The following TET1 variants were observed in gnomAD, a reference collection of about 807,000 sequenced individuals.
The protein encoded by TET1 is methylcytosine dioxygenase TET1.
In TET1, 13 loss-of-function variants were observed where a neutral mutation model predicts 148.7. That is an observed-to-expected ratio of 0.09 (90% CI 0.06 to 0.14). The LOEUF is 0.14. TET1 is among the 10% of genes least tolerant of loss of function. The probability of loss-of-function intolerance (pLI) is 1.00; values close to 1 mark genes in which losing one functional copy is unlikely to be tolerated. For missense variants in TET1, 2,182 were observed against 2,553.8 expected (o/e 0.85, Z 3.14); for synonymous variants, 907 against 937.2 (o/e 0.97, Z 0.59).
At chr10:68,599,635 C>G (rs963754266) in intron 2 of TET1, among the ~76,000 whole-genome samples, 4 of 152,158 alleles carry the variant, frequency 2.6e-5, no homozygotes, top group African/African-American at 9.7e-5. Context: ...GTCCCGATCC[C>G]TGGGAAGTGG....
Position 68,692,024 on chromosome 10 carries a change from T to C in TET1, c.*210T>C, listed in dbSNP as rs1269294042. ...AGAAGGTGCACATTTTAAGCAAAAA[T>C]AAAAGTTTTATAGTTTTAAATACAT... is the stretch of plus-strand genomic sequence containing the variant. On this transcript the variant is annotated 3_prime_UTR_variant, in exon 12 of 12. Transcript: ENST00000373644. 3.6e-6 allele frequency: 2 copies of C among 551,568 alleles called. No individual in the cohort carries two copies. The highest frequency in any genetic ancestry group is 6.1e-6 in the Non-Finnish European group (2 of 329,320). The allele number at this position is 551,568 out of a possible 1,614,324, so 34.2% of individuals were successfully genotyped here. A position where few individuals can be genotyped will look rare whatever the true frequency, so the allele number is the denominator to read the frequency against.
intron 3 of TET1, among the ~76,000 whole-genome samples, chr10:68,609,868 C>G (rs2054181627): frequency 6.6e-6 from 1 of 151,932 alleles, no homozygotes; most frequent in South Asian, 2.1e-4. Context: ...ATATGTTAGG[C>G]AGGGCACAGT....
At chr10:68,659,592 T>G (rs1176382890) in intron 6 of TET1, among the ~76,000 whole-genome samples, 1 of 152,214 alleles carries the variant, frequency 6.6e-6, no homozygotes, top group African/African-American at 2.4e-5. Flanking sequence ...GTGCTGTGAT[T>G]ACAGGCATGA....
At position 68,674,980 on chromosome 10, in the gene TET1, T is replaced by C. The variant is rs2055330138; in HGVS notation, c.4824+1935T>C. ...GTTAAAATGCTGAAGAAGCCTAGCT[T>C]TGAATTGGGGAAACTCATGGAGCTT... On this transcript the variant is annotated intron_variant, in intron 8 of 11. Coordinates refer to ENST00000373644, the MANE Select transcript of TET1 (RefSeq NM_030625.3). 3 of 391,174 alleles carry C rather than the reference T, an allele frequency of 7.7e-6. No homozygotes were observed. In the Admixed American group the frequency reaches 1.1e-4, roughly 14 times the overall value. The allele number at this position is 391,174 out of a possible 1,614,324, so 24.2% of individuals were successfully genotyped here.
At chr10:68,683,122 A>G in intron 10 of TET1, 149 bp downstream of exon 10, 4 of 967,538 alleles carry the variant, frequency 4.1e-6, no homozygotes, top group Non-Finnish European at 5.9e-6. Context: ...AAAAAAAAGA[A>G]ATAAGTGTGT....
chr10:68,582,882 G>A (rs1021006468), intron 2 of TET1, among the ~76,000 whole-genome samples: 1 of 152,066 alleles, frequency 6.6e-6, no homozygotes, highest in Admixed American at 6.6e-5. Context: ...CCACAGAACT[G>A]GACTTGGGGA....
chr10:68,592,601 TC>T (rs1415928855), intron 2 of TET1, among the ~76,000 whole-genome samples: 1 of 133,714 alleles, frequency 7.5e-6, no homozygotes, highest in Non-Finnish European at 1.7e-5. Flanking sequence ...TATTTGTATC[TC>T]CCCATGGCCC....
At chr10:68,650,546 G>A (rs1045511712) in intron 4 of TET1, among the ~76,000 whole-genome samples, 11 of 130,686 alleles carry the variant, frequency 8.4e-5, no homozygotes, top group South Asian at 3.0e-4. Flanking sequence ...CAGGAGAATC[G>A]CTTGAACCCA....
intron 7 of TET1, among the ~76,000 whole-genome samples, chr10:68,671,985 G>T (rs892172766): frequency 1.3e-5 from 2 of 151,976 alleles, no homozygotes; most frequent in African/African-American, 4.8e-5. Context: ...CTCATGATCC[G>T]CCCACCTTGG....
At chr10:68,675,020 C>T (rs1205524884) in intron 8 of TET1, 6 of 417,116 alleles carry the variant, frequency 1.4e-5, no homozygotes, top group South Asian at 6.5e-5. Flanking sequence ...GTGAAGGTAG[C>T]AGTTCTGGAA....
intron 4 of TET1, among the ~76,000 whole-genome samples, chr10:68,648,657 G>A (rs926937688): frequency 1.3e-5 from 2 of 152,196 alleles, no homozygotes; most frequent in Admixed American, 6.5e-5. Context: ...TTTAACAACA[G>A]TAGAAAATAT....
chr10:68,644,508 G>A (rs992847721), intron 3 of TET1, among the ~76,000 whole-genome samples, 190 bp from the exon 4 acceptor site: 2 of 152,120 alleles, frequency 1.3e-5, no homozygotes, highest in African/African-American at 4.8e-5. Flanking sequence ...GCCTAGCCTA[G>A]TTGTCTTTTC....
rs1405607746 is a variant in TET1 at position 68,591,934 on chromosome 10, C to T, written c.1915-9047C>T. ...ACAAACAAACAAACAAACAAACAAA[C>T]AAAAACAGCCTACATAATATCCATT... On this transcript the variant is annotated intron_variant, in intron 2 of 11. Coordinates refer to ENST00000373644, the MANE Select transcript of TET1 (RefSeq NM_030625.3). 5.4e-5 allele frequency among the ~76,000 whole-genome samples: 8 copies of T among 149,408 alleles called. No homozygotes were observed. In the East Asian group the frequency reaches 1.0e-3, roughly 19 times the overall value.
intron 2 of TET1, among the ~76,000 whole-genome samples, chr10:68,581,761 C>T (rs1266044584): frequency 6.6e-6 from 1 of 151,626 alleles, no homozygotes; most frequent in Non-Finnish European, 1.5e-5. Context: ...AGGAGGATAG[C>T]TTGAGCTCAG....
intron 2 of TET1, among the ~76,000 whole-genome samples, chr10:68,594,793 A>G (rs2053958978): frequency 6.6e-6 from 1 of 152,072 alleles, no homozygotes; most frequent in Non-Finnish European, 1.5e-5. Flanking sequence ...AGCCTGGCCA[A>G]CATAGTGAAA....
At chr10:68,566,124 C>A (rs1296367709) in intron 1 of TET1, among the ~76,000 whole-genome samples, 1 of 152,042 alleles carries the variant, frequency 6.6e-6, no homozygotes, top group African/African-American at 2.4e-5. Flanking sequence ...AATTTGTAAA[C>A]CACTTTCAAA....
At chr10:68,632,331 A>T in intron 3 of TET1, 2 of 1,514,014 alleles carry the variant, frequency 1.3e-6, no homozygotes, top group South Asian at 2.4e-5. Flanking sequence ...CAAAAAAAAA[A>T]GAAAGGGTGC....
rs141790242 is a variant in TET1 at position 68,601,602 on chromosome 10, A to G, written c.1968+568A>G. Reference sequence around the variant, plus strand: ...AATATGCATGTTTTCTTTATTTTCTATAGTTTGCCTGATGAGTATTAATAG... The same window carrying G: ...AATATGCATGTTTTCTTTATTTTCTGTAGTTTGCCTGATGAGTATTAATAG... On this transcript the variant is annotated intron_variant, in intron 3 of 11. Transcript: ENST00000373644. 2.6e-3 allele frequency among the ~76,000 whole-genome samples: 401 copies of G among 152,278 alleles called. 2 individuals are homozygous for G. The highest frequency in any genetic ancestry group is 9.1e-3 in the African/African-American group (380 of 41,562).
intron 3 of TET1, among the ~76,000 whole-genome samples, chr10:68,628,748 C>G (rs2054525655): frequency 6.6e-6 from 1 of 152,156 alleles, no homozygotes; most frequent in Non-Finnish European, 1.5e-5. Context: ...GGACTTGAAG[C>G]AAGGCTGCTT....
Sources: allele counts gnomAD v4.1 joint callset (sites outside exome capture counted in the v4.1 genomes callset), GRCh38; gene constraint gnomAD v4.1.1; transcripts MANE v1.5; gene names NCBI Gene and HGNC (gene_info 2026-07-23, HGNC 2026-07-21).